The following THSD4 variants were observed in gnomAD, a reference collection of about 807,000 sequenced individuals.
THSD4 encodes thrombospondin type 1 domain containing 4.
THSD4 carries 69 observed loss-of-function variants against 119.0 expected under a neutral mutation model. The ratio of observed to expected loss-of-function variants is 0.58; its 90% CI spans 0.48 to 0.71. The LOEUF is 0.71. Among genes scored for constraint, THSD4 ranks in the 30% least tolerant of loss-of-function variants. THSD4 has a pLI of 0.00. For missense variants in THSD4, 1,393 were observed against 1,391.1 expected (o/e 1.00, Z -0.02); for synonymous variants, 524 against 540.4 (o/e 0.97, Z 0.42).
chr15:71,199,835 T>TGTGTGTGCTGTGTGTGATGCATGTGTGGG, intron 3 of THSD4, among the ~76,000 whole-genome samples: 1 of 146,274 alleles, frequency 6.8e-6, no homozygotes, highest in Admixed American at 6.7e-5. Context: ...GGGGTGTGTG[T>TGTGTGTGCTGTGTGTGATGCATGTGTGGG]GTGTGTGCTG....
In THSD4 at chr15:71,244,212, G is replaced by A. The variant is rs115119272; in HGVS notation, c.912+1116G>A. 7.3e-3 allele frequency among the ~76,000 whole-genome samples: 1,108 copies of A among 152,280 alleles called. 12 individuals are homozygous for A. The highest frequency in any genetic ancestry group is 0.025 in the African/African-American group (1,048 of 41,558). On this transcript the variant is annotated intron_variant, in intron 5 of 17. Transcript: ENST00000261862. Reference sequence around the variant, plus strand: ...AAGATGCCACAGCTAGTGAGTAGTAGAACCAACTATCAATGTTAATTGTAT... The same window carrying A: ...AAGATGCCACAGCTAGTGAGTAGTAAAACCAACTATCAATGTTAATTGTAT...
chr15:71,165,456 G>A (rs899934569), intron 3 of THSD4: 49 of 1,371,994 alleles, frequency 3.6e-5, no homozygotes, highest in Admixed American at 5.2e-5. Flanking sequence ...GAGTCGCCCA[G>A]TGCCCGTCCG....
At chr15:71,434,433 CCTTTTTTTTTTTTTTTT>C (rs2046981537) in intron 7 of THSD4, among the ~76,000 whole-genome samples, 2 of 74,848 alleles carry the variant, frequency 2.7e-5, no homozygotes, top group African/African-American at 8.3e-5. Context: ...GTCAGTGGTC[CCTTTTTTTTTTTTTTTT>C]TTTTTTTTTT....
chr15:71,209,135 T>A (rs1212483683), intron 3 of THSD4, among the ~76,000 whole-genome samples: 1 of 152,184 alleles, frequency 6.6e-6, no homozygotes, highest in African/African-American at 2.4e-5. Context: ...GATTCTTGGG[T>A]TGGACCTGTG....
chr15:71,658,565 A>G (rs1364860294), intron 7 of THSD4, among the ~76,000 whole-genome samples: 1 of 152,158 alleles, frequency 6.6e-6, no homozygotes, highest in Non-Finnish European at 1.5e-5. Flanking sequence ...CATGGGTTCT[A>G]CTATTCAAAA....
Position 71,563,316 on chromosome 15 carries a change from G to A in THSD4, c.1153-97214G>A, listed in dbSNP as rs548669518. On this transcript the variant is annotated intron_variant, in intron 7 of 17. Transcript: ENST00000261862. ...CTAGCAAAACCACTCTGGAAATCTC[G>A]GATAGTAAAGACTCTGTTAGTACCC... is the stretch of plus-strand genomic sequence containing the variant. 2.6e-4 allele frequency among the ~76,000 whole-genome samples: 40 copies of A among 152,190 alleles called. No homozygotes were observed. The South Asian group carries it at 3.7e-3, about 14-fold the overall frequency.
intron 7 of THSD4, among the ~76,000 whole-genome samples, chr15:71,431,706 G>A (rs945072586): frequency 6.6e-6 from 1 of 152,088 alleles, no homozygotes; most frequent in Non-Finnish European, 1.5e-5. Context: ...AAGACAGGTC[G>A]ATATCTACAC....
chr15:71,561,861 TAAACACACACACACACACACACACAC>T lies in THSD4; in HGVS notation c.1153-98667_1153-98642del, dbSNP rs1383881462. 3.0e-4 allele frequency among the ~76,000 whole-genome samples: 37 copies of T among 125,312 alleles called. No individual in the cohort carries two copies. In the Admixed American group the frequency reaches 3.1e-3, roughly 11 times the overall value. 82.2% of individuals were successfully genotyped at this position (125,312 alleles called of 152,430 possible). A position where few individuals can be genotyped will look rare whatever the true frequency, so the allele number is the denominator to read the frequency against. ...GGTGGACCCAGGACTCCTTTTAAAA[TAAACACACACACACACACACACACAC>T]ACACACACACACACACACACACACA... On this transcript the variant is annotated intron_variant, in intron 7 of 17. Transcript: ENST00000261862.
rs72742761 is a variant in THSD4 at position 71,660,935 on chromosome 15, C to A, written c.1357+201C>A. ...AACGTTAAAAAAAAAGTCCTTCTTGCAGATAAATACTTAATATCTATACAT... is the reference window on the plus strand; with the variant it reads ...AACGTTAAAAAAAAAGTCCTTCTTGAAGATAAATACTTAATATCTATACAT... On this transcript the variant is annotated intron_variant, in intron 8 of 17. Coordinates refer to ENST00000261862, the MANE Select transcript of THSD4 (RefSeq NM_024817.3). 4.5e-3 allele frequency among the ~76,000 whole-genome samples: 690 copies of A among 152,304 alleles called. 5 individuals are homozygous for A. Among genetic ancestry groups the A allele is most frequent in the Admixed American group, 7.6e-3 (116 of 15,298 alleles).
At chr15:71,327,079 A>C (rs2045355658) in intron 6 of THSD4, among the ~76,000 whole-genome samples, 2 of 151,820 alleles carry the variant, frequency 1.3e-5, no homozygotes, top group South Asian at 4.2e-4. Flanking sequence ...AGACGGGAGA[A>C]TCGCTTGAAC....
At chr15:71,558,510 G>C (rs2049058819) in intron 7 of THSD4, among the ~76,000 whole-genome samples, 1 of 152,122 alleles carries the variant, frequency 6.6e-6, no homozygotes, top group Non-Finnish European at 1.5e-5. Context: ...TTAAGACAGA[G>C]TCTCACTCTG....
chr15:71,770,346 TAAA>T (rs71131707), intron 16 of THSD4, among the ~76,000 whole-genome samples: 3,335 of 127,442 alleles, frequency 0.026, 55 homozygotes, highest in Middle Eastern at 0.081. Context: ...ATATGTCCTT[TAAA>T]AAAAAAAAAA....
At chr15:71,528,096 T>G (rs1291615795) in intron 7 of THSD4, among the ~76,000 whole-genome samples, 2 of 152,174 alleles carry the variant, frequency 1.3e-5, no homozygotes, top group Non-Finnish European at 2.9e-5. Flanking sequence ...GAACAGTGCC[T>G]TGGACTCTCT....
chr15:71,715,539 A>G (rs746824312), intron 8 of THSD4, among the ~76,000 whole-genome samples: 12 of 151,948 alleles, frequency 7.9e-5, no homozygotes, highest in South Asian at 2.1e-4. Flanking sequence ...TTGTGTGTTT[A>G]TATTTTTTTT....
chr15:71,227,939 C>T (rs2048792), intron 4 of THSD4, among the ~76,000 whole-genome samples: 43,157 of 151,906 alleles, frequency 0.28, 6,771 homozygotes, highest in South Asian at 0.49. Context: ...GTCCTTTTGT[C>T]TTGTCTCTAT....
intron 6 of THSD4, among the ~76,000 whole-genome samples, chr15:71,396,801 G>A (rs933781901): frequency 9.9e-5 from 15 of 152,204 alleles, no homozygotes; most frequent in African/African-American, 3.1e-4. Flanking sequence ...AGTTTTGAAC[G>A]GCATGGTGCC....
intron 16 of THSD4, among the ~76,000 whole-genome samples, chr15:71,768,625 C>T (rs1348287800): frequency 2.2e-5 from 3 of 135,654 alleles, no homozygotes; most frequent in South Asian, 4.7e-4. Context: ...AATGCAGTAG[C>T]ACCATCTCGG....
chr15:71,772,917 A>C (rs2053846872), intron 17 of THSD4, among the ~76,000 whole-genome samples: 1 of 152,190 alleles, frequency 6.6e-6, no homozygotes, highest in African/African-American at 2.4e-5. Flanking sequence ...TGCTAGAAAA[A>C]AGTATCTTGG....
intron 6 of THSD4, among the ~76,000 whole-genome samples, chr15:71,394,871 C>T (rs1435725462): frequency 1.3e-5 from 2 of 152,172 alleles, no homozygotes; most frequent in African/African-American, 4.8e-5. Context: ...CCTCTGACAT[C>T]TCCACCCGCT....
Sources: allele counts gnomAD v4.1 joint callset (sites outside exome capture counted in the v4.1 genomes callset), GRCh38; gene constraint gnomAD v4.1.1; transcripts MANE v1.5; gene names NCBI Gene and HGNC (gene_info 2026-07-23, HGNC 2026-07-21).